Variants in VSTM4 observed in about 807,000 individuals in gnomAD.
VSTM4 encodes the protein V-set and transmembrane domain containing 4.
In VSTM4, 20 loss-of-function variants were observed where a neutral mutation model predicts 36.4. The observed-to-expected ratio is 0.55, with a 90% CI of 0.39 to 0.80. VSTM4 has a LOEUF of 0.80. Among genes scored for constraint, VSTM4 ranks in the 30% least tolerant of loss-of-function variants. VSTM4 has a pLI of 0.00. For synonymous variants in VSTM4, 182 were observed against 173.9 expected, an observed-to-expected ratio of 1.05 and a Z score of -0.37; for missense variants, 392 against 404.5, an observed-to-expected ratio of 0.97 and a Z score of 0.26.
At chr10:49,045,980 G>C (rs1038804414) in intron 7 of VSTM4, among the ~76,000 whole-genome samples, 1 of 152,122 alleles carries the variant, frequency 6.6e-6, no homozygotes, top group African/African-American at 2.4e-5. Context: ...CATGACAAGC[G>C]AGTGAGTTCT....
At chr10:49,023,326 A>T (rs1220579662) in intron 7 of VSTM4, among the ~76,000 whole-genome samples, 6 of 152,244 alleles carry the variant, frequency 3.9e-5, no homozygotes, top group Admixed American at 2.6e-4. Context: ...TACATTTCCC[A>T]GCTTGTTTAA....
At chr10:49,091,757 T>C (rs1000521746) in intron 2 of VSTM4, among the ~76,000 whole-genome samples, 8 of 152,200 alleles carry the variant, frequency 5.3e-5, no homozygotes, top group African/African-American at 1.9e-4. Flanking sequence ...ACGGAAGTGA[T>C]GGCCAAAAAT....
At chr10:49,055,854 T>C (rs1242176460) in intron 5 of VSTM4, among the ~76,000 whole-genome samples, 1 of 152,116 alleles carries the variant, frequency 6.6e-6, no homozygotes, top group African/African-American at 2.4e-5. Context: ...CTACAGGGAG[T>C]CACCTATCAT....
At chr10:49,023,209 T>C (rs1843207826) in intron 7 of VSTM4, among the ~76,000 whole-genome samples, 1 of 152,252 alleles carries the variant, frequency 6.6e-6, no homozygotes, top group Non-Finnish European at 1.5e-5. Flanking sequence ...CTGTGAAGTG[T>C]ATAGTTTCCA....
At chr10:49,082,585 G>A (rs983800966) in intron 3 of VSTM4, among the ~76,000 whole-genome samples, 18 of 152,270 alleles carry the variant, frequency 1.2e-4, no homozygotes, top group East Asian at 3.9e-4. Flanking sequence ...TGAGGCAGGA[G>A]AACTGCTTGA....
intron 4 of VSTM4, among the ~76,000 whole-genome samples, chr10:49,066,532 T>C (rs969766955): frequency 2.0e-5 from 3 of 152,212 alleles, no homozygotes; most frequent in African/African-American, 7.2e-5. Flanking sequence ...TTTCATTCAT[T>C]CATTCATACT....
At chr10:49,075,185 G>A (rs1367767730) in intron 4 of VSTM4, among the ~76,000 whole-genome samples, 3 of 152,272 alleles carry the variant, frequency 2.0e-5, no homozygotes, top group Non-Finnish European at 4.4e-5. Flanking sequence ...GCCTGGAGGA[G>A]GATGCCAGGT....
At chr10:49,052,433 A>AGT (rs1554831281) in intron 5 of VSTM4, among the ~76,000 whole-genome samples, 1 of 143,604 alleles carries the variant, frequency 7.0e-6, no homozygotes, top group Non-Finnish European at 1.5e-5. Flanking sequence ...TTGATTTAGG[A>AGT]TTTTTTTTTT....
chr10:49,049,759 T>C (rs909987872), intron 5 of VSTM4, among the ~76,000 whole-genome samples: 3 of 152,238 alleles, frequency 2.0e-5, no homozygotes, highest in African/African-American at 7.2e-5. Context: ...TGACTTCTTT[T>C]TTTTTTTTTC....
intron 1 of VSTM4, among the ~76,000 whole-genome samples, chr10:49,109,534 C>A (rs1447538965): frequency 6.6e-6 from 1 of 152,128 alleles, no homozygotes; most frequent in East Asian, 1.9e-4. Context: ...CAAGCACTAG[C>A]CCACAGGATA....
At chr10:49,037,527 G>A (rs1205682661) in intron 7 of VSTM4, among the ~76,000 whole-genome samples, 29 of 152,238 alleles carry the variant, frequency 1.9e-4, no homozygotes, top group Admixed American at 1.8e-3. Flanking sequence ...ATTGGCCAAA[G>A]GGGCGCTCTA....
intron 7 of VSTM4, among the ~76,000 whole-genome samples, chr10:49,043,134 T>C (rs1843546868): frequency 6.6e-6 from 1 of 152,196 alleles, no homozygotes; most frequent in Non-Finnish European, 1.5e-5. Context: ...CTGTCCAATG[T>C]GGTAGCCACT....
chr10:49,096,614 T>C (rs1425655886), intron 2 of VSTM4, among the ~76,000 whole-genome samples: 1 of 145,528 alleles, frequency 6.9e-6, no homozygotes, highest in South Asian at 2.3e-4. Context: ...TGAAAAGCCA[T>C]TGAAGACCGT....
At chr10:49,064,663 CAA>C (rs771395881) in intron 5 of VSTM4, 38 bp downstream of exon 5, 16 of 1,590,888 alleles carry the variant, frequency 1.0e-5, no homozygotes, top group Non-Finnish European at 1.4e-5. Flanking sequence ...AGTTAAATGG[CAA>C]AGAGTTTCAT....
intron 7 of VSTM4, among the ~76,000 whole-genome samples, chr10:49,036,484 A>C (rs1434162538): frequency 1.3e-5 from 2 of 152,314 alleles, no homozygotes; most frequent in South Asian, 2.1e-4. Context: ...TTCATGTAAA[A>C]TTTAACTGAA....
chr10:49,028,104 C>T (rs1320943550), intron 7 of VSTM4, among the ~76,000 whole-genome samples: 8 of 152,140 alleles, frequency 5.3e-5, no homozygotes, highest in Admixed American at 4.6e-4. Flanking sequence ...AGCCATTGTT[C>T]TAGGTGTCAG....
intron 7 of VSTM4, among the ~76,000 whole-genome samples, chr10:49,035,121 C>T (rs1020908625): frequency 2.6e-5 from 4 of 152,100 alleles, no homozygotes; most frequent in Non-Finnish European, 5.9e-5. Flanking sequence ...GACTGCACAA[C>T]CAGGAAAGGC....
chr10:49,069,971 G>T (rs887190927), intron 4 of VSTM4, among the ~76,000 whole-genome samples: 1 of 63,580 alleles, frequency 1.6e-5, no homozygotes, highest in African/African-American at 1.2e-4. Flanking sequence ...AAGAAATATC[G>T]GCCGGGCGCG....
At chr10:49,090,386 T>C (rs1350416650) in intron 2 of VSTM4, among the ~76,000 whole-genome samples, 2 of 152,190 alleles carry the variant, frequency 1.3e-5, no homozygotes, top group Non-Finnish European at 2.9e-5. Flanking sequence ...GGTCCTGCCC[T>C]CCTGACAGCT....
Sources: gnomAD v4.1 joint callset for allele counts (sites outside exome capture counted in the v4.1 genomes callset) on GRCh38, gnomAD v4.1.1 for gene constraint, MANE v1.5 for transcripts, NCBI Gene and HGNC (gene_info 2026-07-23, HGNC 2026-07-21) for gene names.